Variants in FOXJ3 observed in about 807,000 individuals in gnomAD.
FOXJ3 encodes the protein forkhead box protein J3.
Under a neutral mutation model 76.1 loss-of-function variants are expected in FOXJ3, and 22 were observed. The observed-to-expected ratio is 0.29, with a 90% confidence interval of 0.21 to 0.41. FOXJ3 has a LOEUF of 0.41. Among genes scored for constraint, FOXJ3 ranks in the 10% least tolerant of loss-of-function variants. FOXJ3 has a pLI of 1.00. For synonymous variants in FOXJ3, 269 were observed against 261.2 expected, an observed-to-expected ratio of 1.03 and a Z score of -0.29; for missense variants, 613 against 762.1, an observed-to-expected ratio of 0.80 and a Z score of 2.30.
chr1:42,329,115 A>G (rs982774856), intron 1 of FOXJ3, among the ~76,000 whole-genome samples: 3 of 152,228 alleles, frequency 2.0e-5, no homozygotes, highest in African/African-American at 7.2e-5. Context: ...GTTGATATAC[A>G]TGTCAAATAG....
intron 4 of FOXJ3, among the ~76,000 whole-genome samples, chr1:42,261,452 A>G (rs962043903): frequency 6.6e-6 from 1 of 152,086 alleles, no homozygotes; most frequent in Admixed American, 6.5e-5. Flanking sequence ...TTAGTTGTAA[A>G]GAGGTGAGAA....
intron 4 of FOXJ3, among the ~76,000 whole-genome samples, chr1:42,253,419 C>T (rs1323094557): frequency 1.3e-5 from 2 of 151,314 alleles, no homozygotes; most frequent in African/African-American, 2.4e-5. Context: ...ATGCCATCCC[C>T]ATCGAGCTAC....
intron 2 of FOXJ3, among the ~76,000 whole-genome samples, chr1:42,308,472 G>C (rs1654601019): frequency 6.6e-6 from 1 of 152,072 alleles, no homozygotes; most frequent in Non-Finnish European, 1.5e-5. Flanking sequence ...GACAGACAAT[G>C]GTCTTCTAAA....
chr1:42,180,106 AG>A (rs1234183209), intron 12 of FOXJ3, among the ~76,000 whole-genome samples: 13 of 152,214 alleles, frequency 8.5e-5, no homozygotes, highest in African/African-American at 3.1e-4. Context: ...ACCAGGCTGC[AG>A]TAAGGAAGAC....
intron 2 of FOXJ3, among the ~76,000 whole-genome samples, chr1:42,296,801 C>T (rs1356236712): frequency 1.3e-5 from 2 of 152,136 alleles, no homozygotes; most frequent in African/African-American, 4.8e-5. Flanking sequence ...TTTTTGATTC[C>T]ATATGCACTC....
rs370358938 is a variant in FOXJ3 at position 42,238,647 on chromosome 1, C to A, written c.445-10681G>T. On this transcript the variant is annotated intron_variant, in intron 4 of 12. Transcript: ENST00000361346. Reference sequence around the variant, plus strand: ...AATCATGGCTCACTGCAGCCTCAACCTCCCAGGCCCAAGAGATCCTCCCAC... The same window carrying A: ...AATCATGGCTCACTGCAGCCTCAACATCCCAGGCCCAAGAGATCCTCCCAC... 1.8e-4 allele frequency among the ~76,000 whole-genome samples: 27 copies of A among 152,262 alleles called. 1 individual carries two copies. In the East Asian group the frequency reaches 3.9e-3, roughly 22 times the overall value.
intron 1 of FOXJ3, among the ~76,000 whole-genome samples, chr1:42,324,063 TAC>T (rs1177984487): frequency 2.7e-5 from 4 of 145,574 alleles, no homozygotes; most frequent in Admixed American, 1.4e-4. Context: ...ACACTGTATA[TAC>T]ACAGTGTATA....
chr1:42,283,017 C>G (rs980266380), intron 2 of FOXJ3, among the ~76,000 whole-genome samples: 4 of 152,076 alleles, frequency 2.6e-5, no homozygotes, highest in Non-Finnish European at 5.9e-5. Context: ...GGTGAGAGTA[C>G]TAAGTAGCAG....
At chr1:42,317,965 TC>T (rs1655219223) in intron 1 of FOXJ3, among the ~76,000 whole-genome samples, 1 of 152,234 alleles carries the variant, frequency 6.6e-6, no homozygotes, top group South Asian at 2.1e-4. Context: ...GCTCCATGTT[TC>T]ATTCTCTGTT....
chr1:42,207,171 C>G (rs1006307806), intron 5 of FOXJ3, among the ~76,000 whole-genome samples: 2 of 152,170 alleles, frequency 1.3e-5, no homozygotes, highest in East Asian at 3.9e-4. Flanking sequence ...CATTAATCAA[C>G]CTGTCTTCAT....
At position 42,241,518 on chromosome 1, in the gene FOXJ3, G is replaced by A. The variant is rs1451854390; in HGVS notation, c.445-13552C>T. 2.0e-5 allele frequency among the ~76,000 whole-genome samples: 3 copies of A among 152,134 alleles called. No homozygotes were observed. The East Asian group carries it at 5.8e-4, about 29-fold the overall frequency. ...CACACTGCCTAGGGGACCAGGGATT[G>A]CCCCACCCACCATGGCTGGCATCTG... On this transcript the variant is annotated intron_variant, in intron 4 of 12. Transcript: ENST00000361346.
intron 10 of FOXJ3, 53 bp downstream of exon 10, chr1:42,189,250 G>A: frequency 2.8e-6 from 3 of 1,089,496 alleles, no homozygotes; most frequent in Non-Finnish European, 4.2e-6. Flanking sequence ...TAATCTAGCA[G>A]AGAAACAGGA....
chr1:42,206,077 T>C (rs966124174), intron 5 of FOXJ3: 3 of 477,332 alleles, frequency 6.3e-6, no homozygotes, highest in Non-Finnish European at 1.1e-5. Context: ...CTCTAACAAC[T>C]CTTAATTTAC....
At chr1:42,333,581 A>C (rs1202491688) in intron 1 of FOXJ3, among the ~76,000 whole-genome samples, 1 of 152,180 alleles carries the variant, frequency 6.6e-6, no homozygotes, top group Admixed American at 6.5e-5. Context: ...CACTCAGAAA[A>C]AGAGAGGAGT....
intron 5 of FOXJ3, among the ~76,000 whole-genome samples, chr1:42,217,730 C>T (rs904195564): frequency 2.0e-5 from 3 of 152,118 alleles, no homozygotes; most frequent in African/African-American, 7.2e-5. Flanking sequence ...CAGATCACTG[C>T]TTACCTGGGG....
chr1:42,278,241 T>A lies in FOXJ3; in HGVS notation c.369+107A>T. On this transcript the variant is annotated intron_variant, in intron 3 of 12. Coordinates refer to ENST00000361346, the MANE Select transcript of FOXJ3 (RefSeq NM_014947.5). ...TTGACATCCTAAAAATCACTAGAGA[T>A]CAAAATTTCATATTCAATTACATGA... The A allele has an allele frequency of 3.5e-6, 3 of 861,676 alleles. No individual in the cohort carries two copies. In the South Asian group the frequency reaches 5.4e-5, roughly 16 times the overall value. 53.4% of individuals were successfully genotyped at this position (861,676 alleles called of 1,614,324 possible). A position where few individuals can be genotyped will look rare whatever the true frequency, so the allele number is the denominator to read the frequency against.
At chr1:42,311,239 G>C (rs1325012978) in intron 1 of FOXJ3, 129 bp from the exon 2 acceptor site, 1 of 613,898 alleles carries the variant, frequency 1.6e-6, no homozygotes, top group African/African-American at 1.9e-5. Context: ...TCTACTAAAA[G>C]AATCACCCCA....
intron 2 of FOXJ3, among the ~76,000 whole-genome samples, chr1:42,291,800 C>T (rs1653454471): frequency 6.6e-6 from 1 of 152,092 alleles, no homozygotes; most frequent in African/African-American, 2.4e-5. Flanking sequence ...AGGGGATGAA[C>T]CAACAGGACT....
intron 12 of FOXJ3, 145 bp from the exon 13 acceptor site, chr1:42,179,970 A>G (rs1194536294): frequency 5.1e-6 from 3 of 592,878 alleles, no homozygotes; most frequent in Admixed American, 5.7e-5. Context: ...GGCTCTTATG[A>G]TCCTTATTTT....
Sources: allele counts gnomAD v4.1 joint callset (sites outside exome capture counted in the v4.1 genomes callset), GRCh38; gene constraint gnomAD v4.1.1; transcripts MANE v1.5; gene names NCBI Gene and HGNC (gene_info 2026-07-23, HGNC 2026-07-21).